The following TNFRSF11A variants were observed in gnomAD, a reference collection of about 807,000 sequenced individuals.
TNFRSF11A encodes the protein tumor necrosis factor receptor superfamily member 11A.
A neutral mutation model predicts 55.7 loss-of-function variants in TNFRSF11A; 32 were observed. The ratio of observed to expected loss-of-function variants is 0.57; its 90% CI spans 0.43 to 0.77. The LOEUF is 0.77. Ranked by LOEUF, TNFRSF11A falls within the 30% of genes least tolerant of loss-of-function variation. The probability of loss-of-function intolerance (pLI) is 0.00; values close to 1 mark genes in which losing one functional copy is unlikely to be tolerated. For missense variants in TNFRSF11A, 753 were observed against 809.8 expected (o/e 0.93, Z 0.85); for synonymous variants, 311 against 331.0 (o/e 0.94, Z 0.65).
At chr18:62,367,340 TAC>T (rs1202656818) in intron 8 of TNFRSF11A, 1 of 160,046 alleles carries the variant, frequency 6.2e-6, no homozygotes, top group African/African-American at 2.4e-5. Context: ...GATTGTCTGG[TAC>T]AGATTCCTAA....
chr18:62,325,411 TG>T lies in TNFRSF11A; in HGVS notation c.60del (p.Leu21SerfsTer162). ...TTCGCGCTGCTGCTGCTCTGCGCGC[TG>T]CTCGCCCGGCTGCAGGTAAGGAGCG... is the stretch of plus-strand genomic sequence containing the variant. ...PLFALLLLCALLARLQVALQI... is the reference protein window; with the variant it reads ...PLFALLLLCAXLARLQVALQI... On this transcript the variant is annotated frameshift_variant, in exon 1 of 10. Transcript: ENST00000586569. LOFTEE classifies it high-confidence loss of function. This position sits in a 1 kb window ranked among gnomAD's most constrained non-coding sequence, Gnocchi z 4.7. The T allele has an allele frequency of 8.0e-7, 1 of 1,253,224 alleles. No individual in the cohort carries two copies. Among genetic ancestry groups the T allele is most frequent in the South Asian group, 1.8e-5 (1 of 56,146 alleles). The allele number at this position is 1,253,224 out of a possible 1,614,324, so 77.6% of individuals were successfully genotyped here. A position where few individuals can be genotyped will look rare whatever the true frequency, so the allele number is the denominator to read the frequency against.
At chr18:62,375,474 A>C (rs1443680754) in intron 9 of TNFRSF11A, among the ~76,000 whole-genome samples, 1 of 152,182 alleles carries the variant, frequency 6.6e-6, no homozygotes, top group Admixed American at 6.5e-5. Context: ...TCTGGCTTTC[A>C]AATCATACTT....
chr18:62,335,233 A>G (rs993063888), intron 1 of TNFRSF11A, among the ~76,000 whole-genome samples: 1 of 150,872 alleles, frequency 6.6e-6, no homozygotes, highest in African/African-American at 2.4e-5. Flanking sequence ...TCAGCCTCCC[A>G]AGTAGCTGGG....
intron 1 of TNFRSF11A, among the ~76,000 whole-genome samples, chr18:62,333,988 C>A (rs1461307385): frequency 1.3e-5 from 2 of 152,036 alleles, no homozygotes; most frequent in African/African-American, 2.4e-5. Context: ...GCCTCAGCCT[C>A]CCGAGTAGCT....
intron 1 of TNFRSF11A, among the ~76,000 whole-genome samples, chr18:62,333,245 G>A (rs954388286): frequency 3.3e-5 from 5 of 152,226 alleles, no homozygotes; most frequent in East Asian, 1.9e-4. Context: ...TTCTCCAACT[G>A]TGGGGTCTGG....
At chr18:62,382,107 C>CTTTTTTTT (rs574488222) in intron 9 of TNFRSF11A, among the ~76,000 whole-genome samples, 14 of 89,462 alleles carry the variant, frequency 1.6e-4, no homozygotes, top group African/African-American at 2.1e-4. Flanking sequence ...TTCCTGAGTC[C>CTTTTTTTT]TTTTTTTTTT....
In TNFRSF11A at chr18:62,384,925, T is replaced by C. The variant is rs1404446796; in HGVS notation, c.1742T>C (p.Phe581Ser). 1.9e-6 allele frequency: 3 copies of C among 1,554,164 alleles called. No homozygotes were observed. The South Asian group carries it at 3.5e-5, about 18-fold the overall frequency. ...QEETLARRDSFAGNGPRFPDP... is the reference protein window; with the variant it reads ...QEETLARRDSSAGNGPRFPDP... ...GAGACCCTGGCGCGCCGAGACTCCT[T>C]CGCGGGGAACGGCCCGCGCTTCCCG... is the stretch of plus-strand genomic sequence containing the variant. Residue 581 changes from phenylalanine to serine, a missense_variant, in exon 10 of 10, where the codon TTC becomes TCC. By Grantham distance (155) the Phe-to-Ser change is radical. Coordinates refer to ENST00000586569, the MANE Select transcript of TNFRSF11A (RefSeq NM_003839.4).
chr18:62,329,776 C>T (rs1402448345), intron 1 of TNFRSF11A, among the ~76,000 whole-genome samples: 2 of 152,168 alleles, frequency 1.3e-5, no homozygotes, highest in Non-Finnish European at 2.9e-5. Context: ...AACCTGGCAG[C>T]GCTCCCCAGG....
At chr18:62,341,836 C>CTTTTTTTTTTTTTTTTT (rs34047775) in intron 1 of TNFRSF11A, among the ~76,000 whole-genome samples, 1 of 85,216 alleles carries the variant, frequency 1.2e-5, no homozygotes, top group African/African-American at 4.7e-5. Flanking sequence ...CTGAGAATGG[C>CTTTTTTTTTTTTTTTTT]TTTTTTTTTT....
chr18:62,381,042 C>T (rs1383776979), intron 9 of TNFRSF11A, among the ~76,000 whole-genome samples: 1 of 152,012 alleles, frequency 6.6e-6, no homozygotes, highest in Non-Finnish European at 1.5e-5. Flanking sequence ...TGGGCTTAAG[C>T]ATTCACCCAC....
At chr18:62,358,586 T>C (rs1410995761) in intron 5 of TNFRSF11A, among the ~76,000 whole-genome samples, 1 of 152,242 alleles carries the variant, frequency 6.6e-6, no homozygotes, top group Non-Finnish European at 1.5e-5. Context: ...TGACTTACGG[T>C]TGCAGCTTTT....
intron 4 of TNFRSF11A, among the ~76,000 whole-genome samples, chr18:62,357,632 A>G (rs545696005): frequency 8.3e-4 from 127 of 152,344 alleles, no homozygotes; most frequent in Middle Eastern, 3.4e-3. Context: ...CCCTTTATAG[A>G]AAATGTTTGA....
rs1911628215 is a variant in TNFRSF11A, at chr18:62,385,136, A to C, written c.*102A>C. ...CGGCCACCCAGGGATCGATCGGTAC[A>C]GTCGAGGAAGACCACCCGGCATTCT... is the stretch of plus-strand genomic sequence containing the variant. On this transcript the variant is annotated 3_prime_UTR_variant, in exon 10 of 10. Coordinates refer to ENST00000586569, the MANE Select transcript of TNFRSF11A (RefSeq NM_003839.4). 3 of 1,283,866 alleles carry C rather than the reference A, an allele frequency of 2.3e-6. No individual in the cohort carries two copies. The highest frequency in any genetic ancestry group is 3.0e-6 in the Non-Finnish European group (3 of 997,954). 79.5% of individuals were successfully genotyped at this position (1,283,866 alleles called of 1,614,324 possible). A position where few individuals can be genotyped will look rare whatever the true frequency, so the allele number is the denominator to read the frequency against.
intron 1 of TNFRSF11A, among the ~76,000 whole-genome samples, chr18:62,327,263 A>G (rs535321385): frequency 6.6e-6 from 1 of 152,148 alleles, no homozygotes; most frequent in African/African-American, 2.4e-5. Flanking sequence ...GATTTGAGAC[A>G]TTTGAGTTCG....
At chr18:62,350,356 G>T (rs1046289055) in intron 3 of TNFRSF11A, among the ~76,000 whole-genome samples, 3 of 151,914 alleles carry the variant, frequency 2.0e-5, no homozygotes, top group Non-Finnish European at 2.9e-5. Context: ...GCAGTGGCGC[G>T]ATCTCAGCTC....
At chr18:62,369,599 G>C in intron 9 of TNFRSF11A, 115 bp downstream of exon 9, 2 of 1,347,094 alleles carry the variant, frequency 1.5e-6, no homozygotes, top group Non-Finnish European at 1.0e-6. Flanking sequence ...ACCTCAGCTT[G>C]TGCTTTTTCT....
intron 1 of TNFRSF11A, among the ~76,000 whole-genome samples, chr18:62,330,124 T>C (rs535388041): frequency 6.8e-4 from 104 of 152,332 alleles, no homozygotes; most frequent in African/African-American, 2.3e-3. Context: ...TAGCACACTC[T>C]GCAGTGGACT....
chr18:62,368,922 A>G lies in TNFRSF11A; in HGVS notation c.1005A>G (p.Ile335Met). ...RMLSLVSKTE[I>M]EEDSFRQMPT... ...TCTCATTGGTCAGCAAGACCGAGAT[A>G]GAGGAAGACAGCTTCAGACAGATGC... Residue 335 changes from isoleucine (I) to methionine (M), a missense_variant, in exon 9 of 10, where the codon ATA becomes ATG. Ile to Met is a conservative substitution (Grantham distance 10, BLOSUM62 1). Coordinates refer to ENST00000586569, the MANE Select transcript of TNFRSF11A (RefSeq NM_003839.4). The G allele has an allele frequency of 6.2e-7, 1 of 1,614,270 alleles. No individual in the cohort carries two copies. Among genetic ancestry groups the G allele is most frequent in the Non-Finnish European group, 8.5e-7 (1 of 1,180,050 alleles).
rs1910522957 is a variant in TNFRSF11A at position 62,371,160 on chromosome 18, C to A, written c.1567+1676C>A. Among the ~76,000 whole-genome samples the A allele has an allele frequency of 3.3e-5, 5 of 152,298 alleles. No individual in the cohort carries two copies. The South Asian group carries it at 1.0e-3, about 32-fold the overall frequency. On this transcript the variant is annotated intron_variant, in intron 9 of 9. Transcript: ENST00000586569. The stretch of plus-strand genomic sequence containing the variant: ...TATTTCTTTTCTCTCAGTTTATTGT[C>A]TTCCCCTTGGTTGTGGAGACAGACA...
Sources: gnomAD v4.1 joint callset for allele counts (sites outside exome capture counted in the v4.1 genomes callset) on GRCh38, gnomAD v4.1.1 for gene constraint, Gnocchi (gnomAD v3.1) non-coding constraint, MANE v1.5 for transcripts, NCBI Gene and HGNC (gene_info 2026-07-23, HGNC 2026-07-21) for gene names.